The following KNSTRN variants were observed in gnomAD, a reference collection of about 807,000 sequenced individuals.
The protein encoded by KNSTRN is small kinetochore-associated protein.
Under a neutral mutation model 44.7 loss-of-function variants are expected in KNSTRN, and 38 were observed. That is an observed-to-expected ratio of 0.85 (90% CI 0.66 to 1.11). The LOEUF is 1.11. Ranked by LOEUF, KNSTRN falls within the 50% of genes most tolerant of loss-of-function variation. The probability of loss-of-function intolerance (pLI) is 0.00; values close to 1 mark genes in which losing one functional copy is unlikely to be tolerated. For synonymous variants in KNSTRN, 158 were observed against 148.1 expected (o/e 1.07, Z -0.48); for missense variants, 406 against 375.8 (o/e 1.08, Z -0.66).
In KNSTRN at chr15:40,382,975, C is replaced by A. The variant is rs199715714; in HGVS notation, c.140C>A (p.Thr47Lys). 2,802 of 1,612,210 alleles carry A rather than the reference C, an allele frequency of 1.7e-3. 9 individuals carry two copies. Among genetic ancestry groups the A allele is most frequent in the Non-Finnish European group, 2.2e-3 (2,622 of 1,180,034 alleles). Residue 47 changes from threonine (T) to lysine (K), a missense_variant, in exon 1 of 9, where the codon ACG (threonine) becomes AAG (lysine). Thr to Lys is a moderately conservative substitution (Grantham distance 78). Transcript: ENST00000249776. ...CAGGCGGCCGACTTAGCCGGTGGCA[C>A]GACAGTTGCTGCAGGGAATCTTTTA... ...ETQAADLAGG[T>K]TVAAGNLLNE...
intron 4 of KNSTRN, among the ~76,000 whole-genome samples, chr15:40,388,305 G>C (rs1889935526): frequency 6.6e-6 from 1 of 152,208 alleles, no homozygotes; most frequent in Non-Finnish European, 1.5e-5. Flanking sequence ...ATCCCTTATG[G>C]GAAATGGATG....
chr15:40,387,567 G>C (rs534337834), intron 4 of KNSTRN, among the ~76,000 whole-genome samples: 1 of 152,278 alleles, frequency 6.6e-6, no homozygotes, highest in South Asian at 2.1e-4. Context: ...TTCTGGTGGT[G>C]GTGGTGGTGA....
intron 2 of KNSTRN, 52 bp downstream of exon 2, chr15:40,383,374 C>T (rs1171580154): frequency 1.0e-5 from 15 of 1,453,196 alleles, no homozygotes; most frequent in Non-Finnish European, 1.3e-5. Context: ...GGGATGGTCT[C>T]GGGAGTGTGG....
chr15:40,392,919 A>T (rs529292558), intron 8 of KNSTRN, among the ~76,000 whole-genome samples: 34 of 152,130 alleles, frequency 2.2e-4, no homozygotes, highest in African/African-American at 7.0e-4. Context: ...CAGGAAAAAA[A>T]TTTTTTAAAA....
At chr15:40,389,277 T>A in intron 4 of KNSTRN, 1 of 499,488 alleles carries the variant, frequency 2.0e-6, no homozygotes, top group Non-Finnish European at 3.8e-6. Context: ...GCCTCCCAAA[T>A]ACCTGGGATT....
In KNSTRN at chr15:40,382,988, A is replaced by G. The variant is rs774781279; in HGVS notation, c.153A>G (p.Ala51=). The change falls in exon 1 of 9, where the codon GCA becomes GCG. Residue 51 remains alanine (A), a synonymous_variant. Coordinates refer to ENST00000249776, the MANE Select transcript of KNSTRN (RefSeq NM_033286.4). ...ADLAGGTTVA[A]GNLLNESEKD... Reference sequence around the variant, plus strand: ...TAGCCGGTGGCACGACAGTTGCTGCAGGGAATCTTTTAAACGAGAGCGAGA... The same window carrying G: ...TAGCCGGTGGCACGACAGTTGCTGCGGGGAATCTTTTAAACGAGAGCGAGA... 5.6e-6 allele frequency: 9 copies of G among 1,612,050 alleles called. No individual in the cohort carries two copies. The Admixed American group carries it at 8.3e-5, about 15-fold the overall frequency.
chr15:40,384,522 C>G (rs1164862860), intron 2 of KNSTRN: 3 of 455,368 alleles, frequency 6.6e-6, no homozygotes, highest in African/African-American at 2.0e-5. Flanking sequence ...GGAGCCAGGT[C>G]TCTCAGCTGC....
intron 2 of KNSTRN, 48 bp from the exon 3 acceptor site, chr15:40,386,314 C>T (rs370500259): frequency 1.8e-5 from 28 of 1,588,084 alleles, no homozygotes; most frequent in Non-Finnish European, 2.4e-5. Context: ...AGGGTTGCAA[C>T]TGTCGGGTCA....
chr15:40,390,209 T>C (rs543844434), intron 6 of KNSTRN, among the ~76,000 whole-genome samples: 15 of 152,252 alleles, frequency 9.9e-5, no homozygotes, highest in Non-Finnish European at 2.2e-4. Context: ...TGCAAATAGA[T>C]GAGAAACACT....
chr15:40,393,472 TTAAAGG>T lies in KNSTRN; in HGVS notation c.832_837del (p.Val278_Lys279del). On this transcript the variant is annotated inframe_deletion, in exon 9 of 9. Transcript: ENST00000249776. ...TTTGGAATGTCTTTCCATGCAGGCC[TTAAAGG>T]TAAAGCTGGAGATGAAAGAGGAAAG... The T allele has an allele frequency of 6.2e-7, 1 of 1,612,604 alleles. No homozygotes were observed. The highest frequency in any genetic ancestry group is 8.5e-7 in the Non-Finnish European group (1 of 1,179,524).
chr15:40,389,741 C>A, intron 5 of KNSTRN, 95 bp from the exon 6 acceptor site: 1 of 1,390,258 alleles, frequency 7.2e-7, no homozygotes, highest in South Asian at 1.2e-5. Context: ...AAAAGCCAGG[C>A]TTTTGCTATG....
In KNSTRN at chr15:40,382,882, C is replaced by T. The variant is rs770908484; in HGVS notation, c.47C>T (p.Thr16Ile). 1 of 1,612,290 alleles carries T rather than the reference C, an allele frequency of 6.2e-7. No homozygotes were observed. Among genetic ancestry groups the T allele is most frequent in the South Asian group, 1.1e-5 (1 of 91,002 alleles). Reference protein sequence around the residue: ...APPLDRVFRTTWLSTECDSHP... With the variant: ...APPLDRVFRTIWLSTECDSHP... The stretch of plus-strand genomic sequence containing the variant: ...CCCCTGGACAGAGTTTTCCGTACAA[C>T]ATGGCTGTCTACAGAGTGCGATTCC... The change falls in exon 1 of 9, where the codon ACA (threonine) becomes ATA (isoleucine). Residue 16 changes from threonine (T) to isoleucine (I), a missense_variant. By Grantham distance (89) the Thr-to-Ile change is moderately conservative. Transcript: ENST00000249776.
intron 4 of KNSTRN, among the ~76,000 whole-genome samples, chr15:40,388,742 C>A (rs575642888): frequency 1.3e-5 from 2 of 151,942 alleles, no homozygotes; most frequent in Non-Finnish European, 2.9e-5. Flanking sequence ...CTTGGCAGGC[C>A]AGGTGTTCCT....
At chr15:40,385,106 C>T (rs1168786988) in intron 2 of KNSTRN, among the ~76,000 whole-genome samples, 2 of 152,198 alleles carry the variant, frequency 1.3e-5, no homozygotes, top group Non-Finnish European at 2.9e-5. Flanking sequence ...TTCATTTGTA[C>T]TGCATTTCTT....
chr15:40,382,770 G>C lies in KNSTRN; in HGVS notation c.-66G>C. The C allele has an allele frequency of 6.9e-7, 1 of 1,449,962 alleles. No individual in the cohort carries two copies. The highest frequency in any genetic ancestry group is 9.5e-7 in the Non-Finnish European group (1 of 1,056,400). The allele number at this position is 1,449,962 out of a possible 1,614,324, so 89.8% of individuals were successfully genotyped here. A position where few individuals can be genotyped will look rare whatever the true frequency, so the allele number is the denominator to read the frequency against. ...TTGCATCACCCTCCTCCTCTGCCCA[G>C]ACCTGGGGGCTCCAACACCTTTCGC... On this transcript the variant is annotated 5_prime_UTR_variant, in exon 1 of 9. Transcript: ENST00000249776.
Position 40,394,246 on chromosome 15 carries a change from T to C in KNSTRN, c.*649T>C, listed in dbSNP as rs1329094302. 1 of 152,240 alleles carries C rather than the reference T, an allele frequency of 6.6e-6. No homozygotes were observed. The highest frequency in any genetic ancestry group is 1.9e-4 in the East Asian group (1 of 5,208). 9.4% of individuals were successfully genotyped at this position (152,240 alleles called of 1,614,324 possible). Reference sequence around the variant, plus strand: ...TTTAAAATAAATACTTCTGTAAATATTCTGACTGTAACATTGAGGAATGAA... The same window carrying C: ...TTTAAAATAAATACTTCTGTAAATACTCTGACTGTAACATTGAGGAATGAA... On this transcript the variant is annotated 3_prime_UTR_variant, in exon 9 of 9. Coordinates refer to ENST00000249776, the MANE Select transcript of KNSTRN (RefSeq NM_033286.4).
rs148569828 is a variant in KNSTRN at position 40,387,289 on chromosome 15, G to A, written c.485+83G>A. 58 of 1,168,810 alleles carry A rather than the reference G, an allele frequency of 5.0e-5. No individual in the cohort carries two copies. In the African/African-American group the frequency reaches 8.1e-4, roughly 16 times the overall value. 72.4% of individuals were successfully genotyped at this position (1,168,810 alleles called of 1,614,324 possible). A position where few individuals can be genotyped will look rare whatever the true frequency, so the allele number is the denominator to read the frequency against. The stretch of plus-strand genomic sequence containing the variant: ...TGGTTCTGCATCAGAATCATTTGTG[G>A]GACTTGTTTACTGTGTTAGGGTCTG... On this transcript the variant is annotated intron_variant, in intron 4 of 8. Transcript: ENST00000249776.
intron 2 of KNSTRN, among the ~76,000 whole-genome samples, chr15:40,383,710 G>C (rs552479332): frequency 1.3e-5 from 2 of 152,232 alleles, no homozygotes; most frequent in South Asian, 4.1e-4. Flanking sequence ...TTGAGAAGTG[G>C]GATACTTAGG....
chr15:40,393,696 C>A lies in KNSTRN; in HGVS notation c.*99C>A. 1 of 1,117,134 alleles carries A rather than the reference C, an allele frequency of 9.0e-7. No individual in the cohort carries two copies. The highest frequency in any genetic ancestry group is 1.3e-6 in the Non-Finnish European group (1 of 777,634). The allele number at this position is 1,117,134 out of a possible 1,614,324, so 69.2% of individuals were successfully genotyped here. ...GCCATGATCTTCTGGGACTCACCAT[C>A]TCCAGAATGAAAACAATTTCTACAG... On this transcript the variant is annotated 3_prime_UTR_variant, in exon 9 of 9. Transcript: ENST00000249776.
Sources: gnomAD v4.1 joint callset for allele counts (sites outside exome capture counted in the v4.1 genomes callset) on GRCh38, gnomAD v4.1.1 for gene constraint, MANE v1.5 for transcripts, NCBI Gene and HGNC (gene_info 2026-07-23, HGNC 2026-07-21) for gene names.